Variants in CCDC110 observed in about 807,000 individuals in gnomAD.
The protein encoded by CCDC110 is coiled-coil domain containing 110.
In CCDC110, 70 loss-of-function variants were observed where a neutral mutation model predicts 77.1. That is an observed-to-expected ratio of 0.91 (90% confidence interval 0.75 to 1.11). The LOEUF (loss-of-function observed/expected upper bound fraction) is 1.11. Ranked by LOEUF, CCDC110 falls within the 50% of genes least tolerant of loss-of-function variation. CCDC110 has a pLI of 0.00. For missense variants in CCDC110, 868 were observed against 942.9 expected (o/e 0.92, Z 1.04); for synonymous variants, 295 against 312.5 (o/e 0.94, Z 0.59).
chr4:185,456,454 A>G (rs1006797619), intron 6 of CCDC110, among the ~76,000 whole-genome samples: 1 of 152,212 alleles, frequency 6.6e-6, no homozygotes, highest in Non-Finnish European at 1.5e-5. Context: ...AAGAAAAATC[A>G]ATGAAATAAT....
intron 6 of CCDC110, chr4:185,457,071 A>C (rs1580177089): frequency 5.9e-6 from 2 of 340,156 alleles, no homozygotes; most frequent in East Asian, 1.6e-4. Context: ...AACATCACCC[A>C]GTGGAGTTTA....
In CCDC110 at chr4:185,459,065, A is replaced by G. The variant is rs755992013; in HGVS notation, c.1522T>C (p.Phe508Leu). Reference protein sequence around the residue: ...EEYSKECLKEFKKIISKYNVL... With the variant: ...EEYSKECLKELKKIISKYNVL... ...TTATATTTACTAATTATTTTTTTAA[A>G]TTCTTTAAGACACTCTTTGCTGTAT... is the stretch of plus-strand genomic sequence containing the variant. Residue 508 changes from phenylalanine (F) to leucine (L), a missense_variant, in exon 6 of 7, where the codon TTT becomes CTT. By Grantham distance (22) the Phe-to-Leu change is conservative. Transcript: ENST00000307588. The G allele has an allele frequency of 1.9e-6, 3 of 1,565,584 alleles. No homozygotes were observed. The highest frequency in any genetic ancestry group is 2.6e-6 in the Non-Finnish European group (3 of 1,154,070).
chr4:185,449,003 A>T (rs559429366), intron 6 of CCDC110, among the ~76,000 whole-genome samples: 1 of 152,258 alleles, frequency 6.6e-6, no homozygotes, highest in African/African-American at 2.4e-5. Flanking sequence ...ATCCTGAATC[A>T]AGTTCTAGCT....
At position 185,459,906 on chromosome 4, in the gene CCDC110, C is replaced by G. The variant is rs776406319; in HGVS notation, c.681G>C (p.Val227=). ...CACAAAATCCATGCTTGAGAAAAGG[C>G]ACAGTAATTTTGGATTTATCCAGAA... ...TVILDKSKIT[V]PFLKHGFCEN... is the part of the protein sequence containing the mutation. The change falls in exon 6 of 7, where the codon GTG becomes GTC. Residue 227 remains valine (V), a synonymous_variant. Coordinates refer to ENST00000307588, the MANE Select transcript of CCDC110 (RefSeq NM_152775.4). 1.2e-6 allele frequency: 2 copies of G among 1,613,700 alleles called. No homozygotes were observed. The highest frequency in any genetic ancestry group is 3.3e-5 in the Admixed American group (2 of 59,976).
intron 6 of CCDC110, chr4:185,449,523 A>T (rs988666845): frequency 2.6e-5 from 10 of 391,650 alleles, no homozygotes; most frequent in Non-Finnish European, 3.0e-5. Flanking sequence ...ACCCGGTCTT[A>T]AAAAAAAAAA....
intron 2 of CCDC110, among the ~76,000 whole-genome samples, chr4:185,465,952 A>T (rs188288406): frequency 1.3e-5 from 2 of 152,198 alleles, no homozygotes; most frequent in Non-Finnish European, 2.9e-5. Flanking sequence ...GAGTAGGAAC[A>T]TACTTTAGGA....
At chr4:185,453,877 G>A (rs1271147369) in intron 6 of CCDC110, among the ~76,000 whole-genome samples, 1 of 145,476 alleles carries the variant, frequency 6.9e-6, no homozygotes, top group Non-Finnish European at 1.5e-5. Context: ...GCAATGGTGT[G>A]ATCTCGGCTC....
rs1430743288 is a variant in CCDC110, at chr4:185,468,268, A to C, written c.115+2677T>G. 6.6e-6 allele frequency among the ~76,000 whole-genome samples: 1 copy of C among 152,218 alleles called. No individual in the cohort carries two copies. Among genetic ancestry groups the C allele is most frequent in the Non-Finnish European group, 1.5e-5 (1 of 68,024 alleles). Reference sequence around the variant, plus strand: ...ACACTCGCAGTGAGGGGATAACTCTAGGCGAGTGTCCAGTTTGTAGATAAA... The same window carrying C: ...ACACTCGCAGTGAGGGGATAACTCTCGGCGAGTGTCCAGTTTGTAGATAAA... On this transcript the variant is annotated intron_variant, in intron 2 of 6. Transcript: ENST00000307588. The surrounding 1 kb of genome is among the most constrained non-coding windows in gnomAD (Gnocchi z 4.5).
chr4:185,456,602 A>G (rs1412648740), intron 6 of CCDC110, among the ~76,000 whole-genome samples: 3 of 152,232 alleles, frequency 2.0e-5, no homozygotes, highest in Non-Finnish European at 4.4e-5. Flanking sequence ...TAAAATGCTA[A>G]TAAGGAATAT....
At chr4:185,470,371 T>TA (rs2095663659) in intron 2 of CCDC110, among the ~76,000 whole-genome samples, 1 of 152,162 alleles carries the variant, frequency 6.6e-6, no homozygotes, top group Non-Finnish European at 1.5e-5. Context: ...TTACTTGTAA[T>TA]ACCTTATACA....
At position 185,445,468 on chromosome 4, in the gene CCDC110, C is replaced by T. The variant is rs1460905284; in HGVS notation, c.*34G>A. ...GCAGTACAATTAACATTGGCTATTT[C>T]TCGAAGGGAGTTTCTTAGCAATCTT... On this transcript the variant is annotated 3_prime_UTR_variant, in exon 7 of 7. Coordinates refer to ENST00000307588, the MANE Select transcript of CCDC110 (RefSeq NM_152775.4). 12 of 1,493,628 alleles carry T rather than the reference C, an allele frequency of 8.0e-6. No homozygotes were observed. Among genetic ancestry groups the T allele is most frequent in the Non-Finnish European group, 1.1e-5 (12 of 1,081,138 alleles). The allele number at this position is 1,493,628 out of a possible 1,614,324, so 92.5% of individuals were successfully genotyped here.
chr4:185,461,631 G>T (rs1201972768), intron 4 of CCDC110, among the ~76,000 whole-genome samples: 4 of 152,150 alleles, frequency 2.6e-5, no homozygotes, highest in Non-Finnish European at 4.4e-5. Flanking sequence ...TATTTCTTCT[G>T]GATGAAGCGT....
Position 185,461,156 on chromosome 4 carries a change from G to A in CCDC110, c.241C>T (p.Gln81Ter), listed in dbSNP as rs749572503. Residue 81 changes from glutamine (Q) to a stop codon, truncating the protein, a stop_gained, in exon 5 of 7, where the codon CAG becomes TAG. Coordinates refer to ENST00000307588, the MANE Select transcript of CCDC110 (RefSeq NM_152775.4). LOFTEE classifies it high-confidence loss of function. ...MQTLQNVSMVQSEISEILNKS... is the reference protein window; with the variant it reads ...MQTLQNVSMV ...TTCAATATTTCACTGATTTCCGACT[G>A]TACCTTTAAAAGATAAATTGAGAAA... is the stretch of plus-strand genomic sequence containing the variant. 6 of 1,498,696 alleles carry A rather than the reference G, an allele frequency of 4.0e-6. No individual in the cohort carries two copies. Among genetic ancestry groups the A allele is most frequent in the Non-Finnish European group, 5.5e-6 (6 of 1,093,102 alleles). 92.8% of individuals were successfully genotyped at this position (1,498,696 alleles called of 1,614,324 possible). A position where few individuals can be genotyped will look rare whatever the true frequency, so the allele number is the denominator to read the frequency against.
intron 1 of CCDC110, 32 bp from the exon 2 acceptor site, chr4:185,471,081 G>C: frequency 7.4e-7 from 1 of 1,347,814 alleles, no homozygotes; most frequent in Non-Finnish European, 9.9e-7. Flanking sequence ...CTGTTCTGTC[G>C]CGGGTCGTGG....
chr4:185,453,978 C>G (rs1021610719), intron 6 of CCDC110, among the ~76,000 whole-genome samples: 3 of 151,904 alleles, frequency 2.0e-5, no homozygotes, highest in African/African-American at 7.3e-5. Flanking sequence ...CCAAGCCCAG[C>G]TAATTAATTT....
intron 6 of CCDC110, chr4:185,449,504 C>A: frequency 1.3e-6 from 1 of 769,192 alleles, no homozygotes; most frequent in Non-Finnish European, 2.1e-6. Flanking sequence ...GCCTGGGCAA[C>A]AGAGCGAGAC....
chr4:185,461,104 G>A lies in CCDC110; in HGVS notation c.293C>T (p.Pro98Leu). 6.2e-7 allele frequency: 1 copy of A among 1,600,778 alleles called. No individual in the cohort carries two copies. Among genetic ancestry groups the A allele is most frequent in the Non-Finnish European group, 8.5e-7 (1 of 1,174,002 alleles). ...CAGATTTTTTTCTGAGCTAAATTGT[G>A]GGTTTTCTACTTCAATAATACTTTT... ...LNKSIIEVEN[P>L]QFSSEKNLVF... is the part of the protein sequence containing the mutation. The change falls in exon 5 of 7, where the codon CCA becomes CTA. Residue 98 changes from proline (P) to leucine (L), a missense_variant. Pro to Leu is a moderately conservative substitution (Grantham distance 98). Transcript: ENST00000307588.
chr4:185,451,764 AATTT>A (rs1310577337), intron 6 of CCDC110, among the ~76,000 whole-genome samples: 2 of 150,602 alleles, frequency 1.3e-5, no homozygotes, highest in African/African-American at 2.4e-5. Context: ...AGTTTATCAA[AATTT>A]ATTTTAGATT....
In CCDC110 at chr4:185,460,015, G is replaced by C; in HGVS notation, c.572C>G (p.Ser191Cys). 2.5e-6 allele frequency: 4 copies of C among 1,613,104 alleles called. No individual in the cohort carries two copies. Among genetic ancestry groups the C allele is most frequent in the Non-Finnish European group, 3.4e-6 (4 of 1,179,442 alleles). The change falls in exon 6 of 7, where the codon TCT (serine) becomes TGT (cysteine). Residue 191 changes from serine (S) to cysteine (C), a missense_variant. Transcript: ENST00000307588. Reference sequence around the variant, plus strand: ...GTTATTATAATTCTTCAAGATGTCAGAATTTTCTGAAGGGTGTATAATTAT... The same window carrying C: ...GTTATTATAATTCTTCAAGATGTCACAATTTTCTGAAGGGTGTATAATTAT... The part of the protein sequence containing the change: ...SNIIIHPSEN[S>C]DILKNYNNFY...
Sources: gnomAD v4.1 joint callset for allele counts (sites outside exome capture counted in the v4.1 genomes callset) on GRCh38, gnomAD v4.1.1 for gene constraint, Gnocchi (gnomAD v3.1) non-coding constraint, MANE v1.5 for transcripts, NCBI Gene and HGNC (gene_info 2026-07-23, HGNC 2026-07-21) for gene names.